The following FGD5 variants were observed in gnomAD, a reference collection of about 807,000 sequenced individuals.
The protein encoded by FGD5 is FYVE, RhoGEF and PH domain-containing protein 5.
In FGD5, 28 loss-of-function variants were observed where a neutral mutation model predicts 133.4. That is an observed-to-expected ratio of 0.21 (90% CI 0.16 to 0.29). The LOEUF is 0.29. Among genes scored for constraint, FGD5 ranks in the 10% least tolerant of loss-of-function variants. FGD5 has a pLI of 1.00. For missense variants in FGD5, 1,858 were observed against 1,895.2 expected (o/e 0.98, Z 0.36); for synonymous variants, 810 against 776.5 (o/e 1.04, Z -0.72).
intron 1 of FGD5, among the ~76,000 whole-genome samples, chr3:14,860,896 T>C (rs2037385318): frequency 6.6e-6 from 1 of 152,114 alleles, no homozygotes; most frequent in Non-Finnish European, 1.5e-5. Flanking sequence ...GGAGGATTGC[T>C]TGAACCCAGG....
At chr3:14,815,799 G>A (rs2036359541), upstream of FGD5, among the ~76,000 whole-genome samples, 1 of 152,186 alleles carries the variant, frequency 6.6e-6, no homozygotes, top group Non-Finnish European at 1.5e-5. Context: ...AAAGGGGATG[G>A]CAGAGGGTCA....
rs7636593 is a variant in FGD5 at position 14,820,278 on chromosome 3, G to A, written c.1207G>A (p.Gly403Arg). The change falls in exon 1 of 20, where the codon GGA becomes AGA. Residue 403 changes from glycine to arginine, a missense_variant. Around this residue, in one of 3 missense-constraint regions of FGD5, gnomAD observed 1,824 missense variants for 1,848.9 expected, o/e 0.99. Coordinates refer to ENST00000285046, the MANE Select transcript of FGD5 (RefSeq NM_152536.4). ...LCGQCGSLQG[G>R]AAEGPAAPDV... ...TGGCCAGTGTGGCTCCCTACAGGGT[G>A]GAGCGGCCGAGGGTCCCGCAGCCCC... The A allele has an allele frequency of 1.8e-3, 2,814 of 1,604,916 alleles. 46 individuals carry two copies. In the African/African-American group the frequency reaches 0.031, roughly 18 times the overall value.
At chr3:14,924,263 C>T in intron 17 of FGD5, 125 bp downstream of exon 17, 1 of 1,413,900 alleles carries the variant, frequency 7.1e-7, no homozygotes, top group South Asian at 1.3e-5. Context: ...CAGAGCATTC[C>T]TAATGGAAGC....
chr3:14,906,333 T>C (rs1288060565), intron 9 of FGD5, among the ~76,000 whole-genome samples: 1 of 152,224 alleles, frequency 6.6e-6, no homozygotes, highest in African/African-American at 2.4e-5. Context: ...TGGCTGGCCT[T>C]AGACAGGTTT....
chr3:14,877,871 A>G (rs293921), intron 2 of FGD5, among the ~76,000 whole-genome samples: 24,422 of 152,214 alleles, frequency 0.16, 2,334 homozygotes, highest in East Asian at 0.39. Context: ...TTGAGGGAGT[A>G]GAGGCTCCTA....
intron 4 of FGD5, among the ~76,000 whole-genome samples, chr3:14,889,631 A>G (rs554386992): frequency 1.6e-4 from 25 of 152,226 alleles, no homozygotes; most frequent in African/African-American, 5.5e-4. Context: ...TAGGTTTACA[A>G]AGAGGTTAAA....
chr3:14,834,184 C>T (rs535448906), intron 1 of FGD5, among the ~76,000 whole-genome samples: 14 of 151,972 alleles, frequency 9.2e-5, no homozygotes, highest in South Asian at 2.1e-4. Context: ...CAGTGCTGCC[C>T]GAAGAGCCTG....
In FGD5 at chr3:14,922,970, G is replaced by A. The variant is rs2038715767; in HGVS notation, c.3808-76G>A. 1 of 1,596,302 alleles carries A rather than the reference G, an allele frequency of 6.3e-7. No homozygotes were observed. Among genetic ancestry groups the A allele is most frequent in the Non-Finnish European group, 8.6e-7 (1 of 1,167,666 alleles). ...GGGCAGTTGTGGGTGGATTAGCAGAGGGAGCGGAGGGGAGGGGTGCAGGTC... is the reference window on the plus strand; with the variant it reads ...GGGCAGTTGTGGGTGGATTAGCAGAAGGAGCGGAGGGGAGGGGTGCAGGTC... On this transcript the variant is annotated intron_variant, in intron 15 of 19. Coordinates refer to ENST00000285046, the MANE Select transcript of FGD5 (RefSeq NM_152536.4). This position sits in a 1 kb window ranked among gnomAD's most constrained non-coding sequence, Gnocchi z 4.1.
chr3:14,872,938 G>A (rs2037640743), intron 2 of FGD5, among the ~76,000 whole-genome samples: 2 of 152,218 alleles, frequency 1.3e-5, no homozygotes, highest in Non-Finnish European at 2.9e-5. Flanking sequence ...TTGTTTAGCT[G>A]CTGGTGAAAA....
chr3:14,869,443 A>G (rs1296702807), intron 2 of FGD5, among the ~76,000 whole-genome samples: 2 of 152,242 alleles, frequency 1.3e-5, no homozygotes, highest in African/African-American at 4.8e-5. Flanking sequence ...GAAAATACAC[A>G]TAACATAAAA....
chr3:14,861,750 C>T (rs2037402147), intron 1 of FGD5, among the ~76,000 whole-genome samples: 1 of 152,130 alleles, frequency 6.6e-6, no homozygotes, highest in African/African-American at 2.4e-5. Flanking sequence ...GAGACCACAG[C>T]AGCAGCAGCA....
intron 4 of FGD5, among the ~76,000 whole-genome samples, chr3:14,892,998 C>A (rs969312974): frequency 6.6e-6 from 1 of 152,120 alleles, no homozygotes; most frequent in Non-Finnish European, 1.5e-5. Flanking sequence ...GATCTCTGAC[C>A]CTGGGATTTT....
At chr3:14,813,976 T>C (rs1408425046), upstream of FGD5, among the ~76,000 whole-genome samples, 1 of 152,208 alleles carries the variant, frequency 6.6e-6, no homozygotes, top group African/African-American at 2.4e-5. Flanking sequence ...AATCTCTTCC[T>C]CCTGTCAGTG....
At chr3:14,827,880 A>G (rs967362265) in intron 1 of FGD5, among the ~76,000 whole-genome samples, 1 of 152,160 alleles carries the variant, frequency 6.6e-6, no homozygotes, top group Non-Finnish European at 1.5e-5. Flanking sequence ...GCAGCAGCTC[A>G]TGAGTGCTTG....
Position 14,898,834 on chromosome 3 carries a change from C to G in FGD5, c.3154+8C>G, listed in dbSNP as rs1450572216. The G allele has an allele frequency of 1.3e-6, 2 of 1,570,212 alleles. No homozygotes were observed. Among genetic ancestry groups the G allele is most frequent in the Non-Finnish European group, 1.7e-6 (2 of 1,158,756 alleles). ...ACCAAGTGCTCCTCACAGGTGGGCC[C>G]CACAGGAGATCAATGGGGACTGAGG... On this transcript the variant is annotated splice_region_variant and intron_variant, in intron 7 of 19. Coordinates refer to ENST00000285046, the MANE Select transcript of FGD5 (RefSeq NM_152536.4).
intron 9 of FGD5, among the ~76,000 whole-genome samples, chr3:14,902,655 C>T (rs1409352178): frequency 2.0e-5 from 3 of 152,200 alleles, no homozygotes; most frequent in Non-Finnish European, 4.4e-5. Flanking sequence ...TCTGCACTGA[C>T]CTCCCTGCCC....
At chr3:14,826,539 C>T (rs1157335005) in intron 1 of FGD5, among the ~76,000 whole-genome samples, 2 of 152,194 alleles carry the variant, frequency 1.3e-5, no homozygotes, top group Admixed American at 6.5e-5. Context: ...ACCTCAGTGT[C>T]CTTATCTGTA....
upstream of FGD5, among the ~76,000 whole-genome samples, chr3:14,815,356 A>AAC (rs550280592): frequency 5.6e-4 from 85 of 152,178 alleles, no homozygotes; most frequent in African/African-American, 2.0e-3. Flanking sequence ...AATCGCAAAA[A>AAC]AAAAAAAAAT....
chr3:14,890,308 C>T (rs562151613), intron 4 of FGD5, among the ~76,000 whole-genome samples: 1 of 152,310 alleles, frequency 6.6e-6, no homozygotes, highest in East Asian at 1.9e-4. Flanking sequence ...ACAACATAGG[C>T]TCCTGTGTTG....
Sources: gnomAD v4.1 joint callset for allele counts (sites outside exome capture counted in the v4.1 genomes callset) on GRCh38, gnomAD v4.1.1 for gene constraint, gnomAD v4.1.1 regional missense constraint, Gnocchi (gnomAD v3.1) non-coding constraint, MANE v1.5 for transcripts, NCBI Gene and HGNC (gene_info 2026-07-23, HGNC 2026-07-21) for gene names.